TMEM132B: variants seen among roughly 807,000 people sequenced by gnomAD.
The protein encoded by TMEM132B is transmembrane protein 132B.
TMEM132B carries 18 observed loss-of-function variants against 90.8 expected under a neutral mutation model. That is an observed-to-expected ratio of 0.20 (90% CI 0.14 to 0.29). TMEM132B has a LOEUF of 0.29. Ranked by LOEUF, TMEM132B falls within the 10% of genes least tolerant of loss-of-function variation. The pLI, the probability that TMEM132B is intolerant of heterozygous loss-of-function variation, is 1.00. For missense variants in TMEM132B, 1,096 were observed against 1,326.8 expected (o/e 0.83, Z 2.70); for synonymous variants, 504 against 523.3 (o/e 0.96, Z 0.50).
At chr12:125,315,441 C>T (rs1876241118) in intron 1 of TMEM132B, among the ~76,000 whole-genome samples, 1 of 152,276 alleles carries the variant, frequency 6.6e-6, no homozygotes, top group Non-Finnish European at 1.5e-5. Flanking sequence ...TCAAGTGATC[C>T]GCCTGCCTCG....
At chr12:125,235,977 A>G (rs944961073) in intron 1 of TMEM132B, among the ~76,000 whole-genome samples, 10 of 150,798 alleles carry the variant, frequency 6.6e-5, no homozygotes, top group African/African-American at 2.4e-4. Context: ...TTAATGTTGT[A>G]TTTTTAGTAG....
intron 1 of TMEM132B, among the ~76,000 whole-genome samples, chr12:125,336,760 G>A (rs1433351406): frequency 6.6e-6 from 1 of 152,224 alleles, no homozygotes; most frequent in African/African-American, 2.4e-5. Flanking sequence ...GGAGGATGAA[G>A]TGACTTGCCT....
chr12:125,583,012 C>T (rs1180396406), intron 4 of TMEM132B, among the ~76,000 whole-genome samples: 2 of 152,138 alleles, frequency 1.3e-5, no homozygotes, highest in Non-Finnish European at 2.9e-5. Flanking sequence ...AGGACACTTT[C>T]AAAGAGTTAT....
chr12:125,248,004 A>G (rs1354774650), intron 1 of TMEM132B, among the ~76,000 whole-genome samples: 1 of 152,180 alleles, frequency 6.6e-6, no homozygotes, highest in Non-Finnish European at 1.5e-5. Flanking sequence ...GCTTTGGATT[A>G]GCGCATGTGT....
chr12:125,521,959 A>C (rs1045129769), intron 4 of TMEM132B, among the ~76,000 whole-genome samples: 1 of 152,166 alleles, frequency 6.6e-6, no homozygotes, highest in Non-Finnish European at 1.5e-5. Flanking sequence ...AGCCAGTGCC[A>C]TTATCTTGCT....
At chr12:125,426,784 T>G (rs188035744) in intron 3 of TMEM132B, among the ~76,000 whole-genome samples, 1 of 152,318 alleles carries the variant, frequency 6.6e-6, no homozygotes, top group African/African-American at 2.4e-5. Flanking sequence ...ACTGTTACAG[T>G]CCTTTTGAGA....
chr12:125,568,223 C>T (rs942741698), intron 4 of TMEM132B, among the ~76,000 whole-genome samples: 1 of 152,166 alleles, frequency 6.6e-6, no homozygotes, highest in African/African-American at 2.4e-5. Flanking sequence ...CTGTCTCATT[C>T]TCCCTCTTCC....
chr12:125,468,590 TG>T (rs1881631997), intron 3 of TMEM132B, among the ~76,000 whole-genome samples: 1 of 152,352 alleles, frequency 6.6e-6, no homozygotes, highest in Admixed American at 6.5e-5. Context: ...GGCTTATTTC[TG>T]GGCTCTCTAA....
chr12:125,371,217 G>A, intron 2 of TMEM132B, among the ~76,000 whole-genome samples: 1 of 152,298 alleles, frequency 6.6e-6, no homozygotes, highest in East Asian at 1.9e-4. Flanking sequence ...GCAGCTGATT[G>A]GATGGTGACC....
In TMEM132B at chr12:125,661,067, A is replaced by C. The variant is rs928692514; in HGVS notation, c.*6357A>C. On this transcript the variant is annotated 3_prime_UTR_variant, in exon 9 of 9. Coordinates refer to ENST00000682704, the MANE Select transcript of TMEM132B (RefSeq NM_001366854.1). Reference sequence around the variant, plus strand: ...TTTCTGTACTTCCTGTGGCCAAAAAAGCAAGTGAGACTTTCTGTTTCCCAT... The same window carrying C: ...TTTCTGTACTTCCTGTGGCCAAAAACGCAAGTGAGACTTTCTGTTTCCCAT... The C allele has an allele frequency of 3.9e-5, 6 of 152,230 alleles. No individual in the cohort carries two copies. Among genetic ancestry groups the C allele is most frequent in the African/African-American group, 1.4e-4 (6 of 41,456 alleles). 9.4% of individuals were successfully genotyped at this position (152,230 alleles called of 1,614,324 possible). A position where few individuals can be genotyped will look rare whatever the true frequency, so the allele number is the denominator to read the frequency against.
chr12:125,642,024 GA>G (rs983726611), intron 5 of TMEM132B, among the ~76,000 whole-genome samples: 1 of 152,126 alleles, frequency 6.6e-6, no homozygotes, highest in African/African-American at 2.4e-5. Context: ...GGGTTGGGGG[GA>G]CTTCCTTCTC....
intron 4 of TMEM132B, among the ~76,000 whole-genome samples, chr12:125,555,948 G>C (rs1884374649): frequency 1.3e-5 from 2 of 152,200 alleles, no homozygotes; most frequent in Admixed American, 6.5e-5. Flanking sequence ...AAATCAGAGA[G>C]ATCTACAAAA....
chr12:125,575,945 T>C (rs1433218562), intron 4 of TMEM132B, among the ~76,000 whole-genome samples: 1 of 152,126 alleles, frequency 6.6e-6, no homozygotes, highest in African/African-American at 2.4e-5. Flanking sequence ...TTTATCCAGA[T>C]TGCTATGGCT....
In TMEM132B at chr12:125,651,136, C is replaced by T. The variant is rs550918842; in HGVS notation, c.1914+183C>T. On this transcript the variant is annotated intron_variant, in intron 7 of 8. Coordinates refer to ENST00000682704, the MANE Select transcript of TMEM132B (RefSeq NM_001366854.1). ...ATCCTGGGAAGCAATAGAGCATTCACCAATTTTAATAACCTAAACTCAGAT... is the reference window on the plus strand; with the variant it reads ...ATCCTGGGAAGCAATAGAGCATTCATCAATTTTAATAACCTAAACTCAGAT... Among the ~76,000 whole-genome samples, 11 of 152,318 alleles carry T rather than the reference C, an allele frequency of 7.2e-5. No homozygotes were observed. The South Asian group carries it at 1.2e-3, about 17-fold the overall frequency.
chr12:125,600,899 A>T (rs1885554549), intron 5 of TMEM132B, among the ~76,000 whole-genome samples: 2 of 152,214 alleles, frequency 1.3e-5, no homozygotes, highest in Non-Finnish European at 2.9e-5. Context: ...AAAGGGATCA[A>T]TTCGACAAGA....
chr12:125,210,472 G>A (rs1002561229), intron 1 of TMEM132B, among the ~76,000 whole-genome samples: 5 of 152,130 alleles, frequency 3.3e-5, no homozygotes, highest in Non-Finnish European at 7.4e-5. Flanking sequence ...ATGCTTTGGA[G>A]GGTTTCAGCA....
chr12:125,625,182 G>GAGT (rs949811734), intron 5 of TMEM132B, among the ~76,000 whole-genome samples: 2 of 133,930 alleles, frequency 1.5e-5, no homozygotes, highest in African/African-American at 5.7e-5. Context: ...GCCCAGGCTG[G>GAGT]AGTCCAGTGG....
intron 3 of TMEM132B, among the ~76,000 whole-genome samples, chr12:125,467,445 T>A (rs972688277): frequency 2.7e-5 from 4 of 148,902 alleles, no homozygotes; most frequent in African/African-American, 9.7e-5. Context: ...CCCACCCTCT[T>A]CTTCTTCTCC....
At chr12:125,322,805 C>T (rs1876464360) in intron 1 of TMEM132B, among the ~76,000 whole-genome samples, 1 of 152,084 alleles carries the variant, frequency 6.6e-6, no homozygotes, top group African/African-American at 2.4e-5. Context: ...CACAGGCAGT[C>T]AACATGATTA....
Sources: allele counts gnomAD v4.1 joint callset (sites outside exome capture counted in the v4.1 genomes callset), GRCh38; gene constraint gnomAD v4.1.1; transcripts MANE v1.5; gene names NCBI Gene and HGNC (gene_info 2026-07-23, HGNC 2026-07-21).